Variants in NLGN1 observed in about 807,000 individuals in gnomAD.
NLGN1 encodes the protein neuroligin 1, also known as neuroligin-1.
NLGN1 carries 12 observed loss-of-function variants against 65.5 expected under a neutral mutation model. The observed-to-expected ratio is 0.18, with a 90% CI of 0.12 to 0.30. The LOEUF (loss-of-function observed/expected upper bound fraction) is 0.30. Among genes scored for constraint, NLGN1 ranks in the 10% least tolerant of loss-of-function variants. The pLI, the probability that NLGN1 is intolerant of heterozygous loss-of-function variation, is 1.00. For missense variants in NLGN1, 750 were observed against 1,007.1 expected (o/e 0.74, Z 3.46); for synonymous variants, 350 against 359.5 (o/e 0.97, Z 0.30).
chr3:174,252,293 A>G (rs1013428803), intron 4 of NLGN1, among the ~76,000 whole-genome samples: 17 of 152,292 alleles, frequency 1.1e-4, no homozygotes, highest in African/African-American at 2.6e-4. Flanking sequence ...GGTAGTTTCA[A>G]TTACTAGATT....
At chr3:173,984,575 A>G (rs1719484680) in intron 4 of NLGN1, among the ~76,000 whole-genome samples, 1 of 152,182 alleles carries the variant, frequency 6.6e-6, no homozygotes, top group Non-Finnish European at 1.5e-5. Context: ...ATACTAACAA[A>G]CTTCCAGGAA....
At chr3:173,652,230 C>T (rs183282316) in intron 3 of NLGN1, among the ~76,000 whole-genome samples, 191 of 152,224 alleles carry the variant, frequency 1.3e-3, no homozygotes, top group African/African-American at 4.3e-3. Context: ...CTGTTCACTC[C>T]GTTGATTATT....
intron 3 of NLGN1, among the ~76,000 whole-genome samples, chr3:173,765,111 C>T (rs1206010934): frequency 1.3e-5 from 2 of 149,222 alleles, no homozygotes; most frequent in East Asian, 2.0e-4. Context: ...TGTATGCACA[C>T]ATACATTTGT....
At chr3:174,092,385 G>A (rs1744686383) in intron 4 of NLGN1, among the ~76,000 whole-genome samples, 1 of 152,146 alleles carries the variant, frequency 6.6e-6, no homozygotes, top group Admixed American at 6.6e-5. Flanking sequence ...TTTTAACAAT[G>A]TCAGGGAAAA....
In NLGN1 at chr3:174,082,852, C is replaced by T. The variant is rs529348691; in HGVS notation, c.647-192463C>T. Among the ~76,000 whole-genome samples, 32 of 152,154 alleles carry T rather than the reference C, an allele frequency of 2.1e-4. No homozygotes were observed. In the South Asian group the frequency reaches 6.4e-3, roughly 31 times the overall value. ...TCTCCTGCCTCAGTCTCCCAAGTAG[C>T]TGGGATTACAGGCATGCACCACCAC... On this transcript the variant is annotated intron_variant, in intron 4 of 6. Transcript: ENST00000457714.
At chr3:173,737,623 G>A (rs936545377) in intron 3 of NLGN1, among the ~76,000 whole-genome samples, 7 of 151,990 alleles carry the variant, frequency 4.6e-5, no homozygotes, top group Non-Finnish European at 8.8e-5. Flanking sequence ...ATATTACATT[G>A]TAGGGATATA....
intron 4 of NLGN1, among the ~76,000 whole-genome samples, chr3:173,916,635 A>G (rs1307092577): frequency 6.6e-6 from 1 of 152,124 alleles, no homozygotes; most frequent in Non-Finnish European, 1.5e-5. Flanking sequence ...TATAATACCT[A>G]AAGAGATACA....
chr3:174,085,089 T>A (rs1742984240), intron 4 of NLGN1, among the ~76,000 whole-genome samples: 1 of 152,010 alleles, frequency 6.6e-6, no homozygotes, highest in Admixed American at 6.6e-5. Flanking sequence ...GTTAAAATTA[T>A]AAAAATGTAA....
intron 3 of NLGN1, among the ~76,000 whole-genome samples, chr3:173,700,745 C>T (rs1767015802): frequency 2.0e-5 from 3 of 152,022 alleles, no homozygotes; most frequent in African/African-American, 7.2e-5. Flanking sequence ...TATGGTAGGG[C>T]AAGACAATTA....
chr3:173,601,604 C>T (rs990634746), intron 2 of NLGN1, among the ~76,000 whole-genome samples: 5 of 151,878 alleles, frequency 3.3e-5, no homozygotes, highest in Non-Finnish European at 7.4e-5. Flanking sequence ...CTAATGTATA[C>T]AATTTGAATT....
At position 174,256,780 on chromosome 3, in the gene NLGN1, A is replaced by C. The variant is rs374199513; in HGVS notation, c.647-18535A>C. 8.5e-5 allele frequency among the ~76,000 whole-genome samples: 13 copies of C among 152,232 alleles called. No individual in the cohort carries two copies. The East Asian group carries it at 2.3e-3, about 27-fold the overall frequency. On this transcript the variant is annotated intron_variant, in intron 4 of 6. Coordinates refer to ENST00000457714, the Ensembl canonical transcript of NLGN1. ...TCAATTCAAGATGGATTAAAGACTT[A>C]AATGTAAAACCCAAAACTGTAGAAA...
chr3:174,162,129 C>T (rs978873300), intron 4 of NLGN1, among the ~76,000 whole-genome samples: 10 of 151,790 alleles, frequency 6.6e-5, no homozygotes, highest in African/African-American at 2.4e-4. Flanking sequence ...CAACCTGACC[C>T]CCCAGAATTC....
intron 4 of NLGN1, among the ~76,000 whole-genome samples, chr3:173,916,173 A>G (rs1740689588): frequency 6.6e-6 from 1 of 152,194 alleles, no homozygotes. Context: ...CATGTAGCAC[A>G]TAGTAAAAGT....
intron 4 of NLGN1, among the ~76,000 whole-genome samples, chr3:173,928,443 A>G (rs1560652467): frequency 6.6e-6 from 1 of 152,184 alleles, no homozygotes; most frequent in Non-Finnish European, 1.5e-5. Context: ...CTTGCCTCAA[A>G]GATTTATTGG....
intron 1 of NLGN1, among the ~76,000 whole-genome samples, chr3:173,408,624 G>A (rs1450021301): frequency 6.6e-6 from 1 of 152,116 alleles, no homozygotes; most frequent in Non-Finnish European, 1.5e-5. Flanking sequence ...TCAAGAATAG[G>A]CGCATTGGCC....
At chr3:173,835,356 A>G (rs1347798258) in intron 4 of NLGN1, among the ~76,000 whole-genome samples, 2 of 152,064 alleles carry the variant, frequency 1.3e-5, no homozygotes, top group Non-Finnish European at 2.9e-5. Flanking sequence ...AGATCTTTTT[A>G]TTTTACTCTG....
At chr3:173,567,820 C>G (rs1230521444) in intron 2 of NLGN1, among the ~76,000 whole-genome samples, 9 of 151,974 alleles carry the variant, frequency 5.9e-5, no homozygotes. Flanking sequence ...ACTTGATTTA[C>G]CTCTAGCAAA....
chr3:174,156,512 C>T (rs1041634515), intron 4 of NLGN1, among the ~76,000 whole-genome samples: 2 of 151,684 alleles, frequency 1.3e-5, no homozygotes, highest in African/African-American at 4.8e-5. Flanking sequence ...TATAACTAGT[C>T]ATTTGTCAGG....
intron 4 of NLGN1, among the ~76,000 whole-genome samples, chr3:173,892,403 C>T (rs189064778): frequency 6.6e-6 from 1 of 151,904 alleles, no homozygotes; most frequent in Admixed American, 6.6e-5. Context: ...TTAAGATTTT[C>T]CTATGTATGT....
Sources: gnomAD v4.1 joint callset for allele counts (sites outside exome capture counted in the v4.1 genomes callset) on GRCh38, gnomAD v4.1.1 for gene constraint, MANE v1.5 for transcripts, NCBI Gene and HGNC (gene_info 2026-07-23, HGNC 2026-07-21) for gene names.